ITPR2: variants seen among roughly 807,000 people sequenced by gnomAD.
ITPR2 encodes inositol 1,4,5-trisphosphate-gated calcium channel ITPR2.
A neutral mutation model predicts 317.1 loss-of-function variants in ITPR2; 207 were observed. The observed-to-expected ratio is 0.65, with a 90% CI of 0.58 to 0.73. The LOEUF (loss-of-function observed/expected upper bound fraction) is 0.73. Among genes scored for constraint, ITPR2 ranks in the 30% least tolerant of loss-of-function variants. The pLI is 0.00. For synonymous variants in ITPR2, 1,156 were observed against 1,149.1 expected, an observed-to-expected ratio of 1.01 and a Z score of -0.12; for missense variants, 2,613 against 3,284.0, an observed-to-expected ratio of 0.80 and a Z score of 4.99.
At chr12:26,613,377 T>G (rs1314074891) in intron 26 of ITPR2, among the ~76,000 whole-genome samples, 1 of 152,146 alleles carries the variant, frequency 6.6e-6, no homozygotes, top group Non-Finnish European at 1.5e-5. Context: ...GAGAAATCCC[T>G]CCTGTATAAA....
chr12:26,414,723 T>C lies in ITPR2; in HGVS notation c.7306+580A>G, dbSNP rs551619672. On this transcript the variant is annotated intron_variant, in intron 51 of 56. Coordinates refer to ENST00000381340, the MANE Select transcript of ITPR2 (RefSeq NM_002223.4). ...TTATAAATGGACGGTGCCTAACCAGTCACGACAAAAATAGAGTATAGAAAT... is the reference window on the plus strand; with the variant it reads ...TTATAAATGGACGGTGCCTAACCAGCCACGACAAAAATAGAGTATAGAAAT... Among the ~76,000 whole-genome samples the C allele has an allele frequency of 1.3e-4, 20 of 152,246 alleles. No homozygotes were observed. The South Asian group carries it at 2.7e-3, about 21-fold the overall frequency.
chr12:26,579,584 T>A (rs1413574491), intron 33 of ITPR2, among the ~76,000 whole-genome samples: 1 of 152,176 alleles, frequency 6.6e-6, no homozygotes, highest in East Asian at 1.9e-4. Flanking sequence ...CCTACAGATA[T>A]ATCATAATTT....
intron 43 of ITPR2, 32 bp from the exon 44 acceptor site, chr12:26,477,039 A>C (rs12319212): frequency 7.3e-7 from 1 of 1,361,098 alleles, no homozygotes; most frequent in Admixed American, 1.8e-5. Flanking sequence ...ATGTGCATGC[A>C]AAGTCTATTT....
rs1937975470 is a variant in ITPR2 at position 26,338,013 on chromosome 12, T to C, written c.*1384A>G. 6.6e-6 allele frequency: 1 copy of C among 152,216 alleles called. No homozygotes were observed. The highest frequency in any genetic ancestry group is 2.1e-4 in the South Asian group (1 of 4,826). 9.4% of individuals were successfully genotyped at this position (152,216 alleles called of 1,614,324 possible). A position where few individuals can be genotyped will look rare whatever the true frequency, so the allele number is the denominator to read the frequency against. Reference sequence around the variant, plus strand: ...GCAAACCCTATCTAGACCTTAAACCTTGGCGTTGATAACTGAGAATTTAAA... The same window carrying C: ...GCAAACCCTATCTAGACCTTAAACCCTGGCGTTGATAACTGAGAATTTAAA... On this transcript the variant is annotated 3_prime_UTR_variant, in exon 57 of 57. Coordinates refer to ENST00000381340, the MANE Select transcript of ITPR2 (RefSeq NM_002223.4).
intron 49 of ITPR2, among the ~76,000 whole-genome samples, chr12:26,422,236 A>G (rs993202271): frequency 1.8e-4 from 27 of 150,554 alleles, no homozygotes; most frequent in African/African-American, 6.1e-4. Flanking sequence ...TGAAGTATAT[A>G]TGAAAATACT....
At chr12:26,504,657 C>T (rs923807649) in intron 37 of ITPR2, among the ~76,000 whole-genome samples, 4 of 152,278 alleles carry the variant, frequency 2.6e-5, no homozygotes, top group East Asian at 1.9e-4. Flanking sequence ...GGTACAACTA[C>T]TTTGGAAATC....
At chr12:26,606,358 GA>G (rs540620929) in intron 26 of ITPR2, among the ~76,000 whole-genome samples, 6 of 152,144 alleles carry the variant, frequency 3.9e-5, no homozygotes, top group Non-Finnish European at 7.4e-5. Flanking sequence ...CCCCCTAATA[GA>G]ATATGGGAAA....
chr12:26,671,876 C>T (rs11494763), intron 13 of ITPR2, among the ~76,000 whole-genome samples: 51,125 of 151,650 alleles, frequency 0.34, 9,488 homozygotes, highest in East Asian at 0.64. Flanking sequence ...AAATGGAAAA[C>T]GAAAAAAGGC....
chr12:26,532,570 A>G (rs1040337068), intron 37 of ITPR2, among the ~76,000 whole-genome samples: 3 of 152,198 alleles, frequency 2.0e-5, no homozygotes, highest in African/African-American at 7.2e-5. Flanking sequence ...AACTTTTTGT[A>G]AAGTGTTGGG....
At chr12:26,796,007 G>C (rs373687173) in intron 1 of ITPR2, among the ~76,000 whole-genome samples, 7 of 141,860 alleles carry the variant, frequency 4.9e-5, no homozygotes, top group African/African-American at 1.5e-4. Context: ...AAAGGGGGGG[G>C]GGGCAACACA....
At chr12:26,825,160 G>A (rs759494444) in intron 1 of ITPR2, among the ~76,000 whole-genome samples, 2 of 152,162 alleles carry the variant, frequency 1.3e-5, no homozygotes, top group Non-Finnish European at 2.9e-5. Context: ...TTGAACCCAG[G>A]AGGCAGAGGT....
intron 2 of ITPR2, among the ~76,000 whole-genome samples, chr12:26,756,957 A>G (rs1949533694): frequency 6.6e-6 from 1 of 152,214 alleles, no homozygotes; most frequent in South Asian, 2.1e-4. Context: ...TGATAAAACA[A>G]GTTGTAATAA....
chr12:26,516,400 A>G (rs1943519704), intron 37 of ITPR2, among the ~76,000 whole-genome samples: 1 of 152,000 alleles, frequency 6.6e-6, no homozygotes, highest in Non-Finnish European at 1.5e-5. Context: ...GAAAGATACC[A>G]TCAGAGTGGC....
rs1016151326 is a variant in ITPR2, at chr12:26,444,159, T to C, written c.6343-509A>G. ...AGCCAAAATGAGTGCTTTCTGGGTA[T>C]AGATCTTGATTTTATTGTCATTGAA... On this transcript the variant is annotated intron_variant, in intron 45 of 56. Coordinates refer to ENST00000381340, the MANE Select transcript of ITPR2 (RefSeq NM_002223.4). Among the ~76,000 whole-genome samples, 3 of 152,288 alleles carry C rather than the reference T, an allele frequency of 2.0e-5. No homozygotes were observed. In the South Asian group the frequency reaches 6.2e-4, roughly 32 times the overall value.
At chr12:26,383,650 A>AT (rs10687022) in intron 55 of ITPR2, among the ~76,000 whole-genome samples, 7,343 of 134,320 alleles carry the variant, frequency 0.055, 536 homozygotes, top group African/African-American at 0.16. Context: ...CGCCTGGCTA[A>AT]TTTTTTTTTT....
In ITPR2 at chr12:26,695,561, T is replaced by G. The variant is rs544141770; in HGVS notation, c.996+45A>C. ...ATTCCAATCTATCCATATAAAATAATAACAATATGCTGAGATTTGTTGGAG... is the reference window on the plus strand; with the variant it reads ...ATTCCAATCTATCCATATAAAATAAGAACAATATGCTGAGATTTGTTGGAG... On this transcript the variant is annotated intron_variant, in intron 10 of 56. Transcript: ENST00000381340. The G allele has an allele frequency of 7.2e-6, 11 of 1,519,044 alleles. No homozygotes were observed. The African/African-American group carries it at 1.5e-4, about 21-fold the overall frequency. 94.1% of individuals were successfully genotyped at this position (1,519,044 alleles called of 1,614,324 possible).
At chr12:26,419,297 C>A in intron 49 of ITPR2, 84 bp from the exon 50 acceptor site, 1 of 1,167,564 alleles carries the variant, frequency 8.6e-7, no homozygotes, top group Non-Finnish European at 1.2e-6. Context: ...TAGTCCATGA[C>A]TTTTTGACAT....
intron 2 of ITPR2, among the ~76,000 whole-genome samples, chr12:26,747,370 T>C (rs1949341594): frequency 6.6e-6 from 1 of 152,184 alleles, no homozygotes; most frequent in African/African-American, 2.4e-5. Flanking sequence ...CCATTGTCCA[T>C]TTTGAAGAGT....
At chr12:26,347,916 T>C (rs1938358769) in intron 55 of ITPR2, among the ~76,000 whole-genome samples, 1 of 152,202 alleles carries the variant, frequency 6.6e-6, no homozygotes, top group Non-Finnish European at 1.5e-5. Flanking sequence ...ATATACTATG[T>C]CTTGTAATGG....
Sources: allele counts gnomAD v4.1 joint callset (sites outside exome capture counted in the v4.1 genomes callset), GRCh38; gene constraint gnomAD v4.1.1; transcripts MANE v1.5; gene names NCBI Gene and HGNC (gene_info 2026-07-23, HGNC 2026-07-21).